The following AGTPBP1 variants were observed in gnomAD, a reference collection of about 807,000 sequenced individuals.
AGTPBP1 encodes ATP/GTP binding carboxypeptidase 1.
Under a neutral mutation model 143.9 loss-of-function variants are expected in AGTPBP1, and 70 were observed. That is an observed-to-expected ratio of 0.49 (90% CI 0.40 to 0.59). AGTPBP1 has a LOEUF of 0.59. Ranked by LOEUF, AGTPBP1 falls within the 20% of genes least tolerant of loss-of-function variation. The pLI is 0.00. For missense variants in AGTPBP1, 1,229 were observed against 1,464.5 expected (o/e 0.84, Z 2.62); for synonymous variants, 463 against 500.2 (o/e 0.93, Z 0.99).
chr9:85,570,049 T>C (rs1187495848), intron 25 of AGTPBP1, among the ~76,000 whole-genome samples: 1 of 152,092 alleles, frequency 6.6e-6, no homozygotes, highest in Non-Finnish European at 1.5e-5. Context: ...CCTCTGTTCA[T>C]GCCTGAAACT....
At chr9:85,798,588 G>A in the AGTPBP1 span, among the ~76,000 whole-genome samples, 5,904 of 151,858 alleles carry the variant, frequency 0.039, 270 homozygotes, top group East Asian at 0.21. Flanking sequence ...GGCTGGTCTC[G>A]AACTCCTGAC....
intron 9 of AGTPBP1, among the ~76,000 whole-genome samples, chr9:85,660,302 C>T (rs909374036): frequency 6.6e-6 from 1 of 152,024 alleles, no homozygotes; most frequent in Non-Finnish European, 1.5e-5. Flanking sequence ...CAACAGACCC[C>T]TGAAGCCCCC....
the AGTPBP1 span, among the ~76,000 whole-genome samples, chr9:85,779,088 T>C: frequency 6.6e-6 from 1 of 151,902 alleles, no homozygotes; most frequent in Non-Finnish European, 1.5e-5. Context: ...AAGAACTCCA[T>C]CCTTAATATT....
Position 85,633,168 on chromosome 9 carries a change from T to C in AGTPBP1, c.1509A>G (p.Lys503=). 1.9e-6 allele frequency: 3 copies of C among 1,613,508 alleles called. No individual in the cohort carries two copies. Among genetic ancestry groups the C allele is most frequent in the Non-Finnish European group, 2.5e-6 (3 of 1,179,842 alleles). The change falls in exon 14 of 26, where the codon AAA becomes AAG. Residue 503 remains lysine, a synonymous_variant. Transcript: ENST00000357081. ...GCTGTTGTAATGTTCTATCATTATC[T>C]TTAATATCTTCTTTTGCTAGATCCA... ...TFMDLAKEDI[K]DNDRTLQQQP...
intron 1 of AGTPBP1, among the ~76,000 whole-genome samples, chr9:85,728,023 A>ATT (rs1382552838): frequency 3.9e-5 from 5 of 128,286 alleles, no homozygotes; most frequent in African/African-American, 1.7e-4. Context: ...CAAAATATAT[A>ATT]TTTATATACA....
At chr9:85,659,204 A>T (rs150627718) in intron 9 of AGTPBP1, among the ~76,000 whole-genome samples, 1,571 of 152,300 alleles carry the variant, frequency 0.01, 14 homozygotes, top group Middle Eastern at 0.027. Flanking sequence ...CACAATTAAA[A>T]CATTAGTAAA....
At chr9:85,646,828 G>A (rs1398868695) in intron 11 of AGTPBP1, among the ~76,000 whole-genome samples, 1 of 152,066 alleles carries the variant, frequency 6.6e-6, no homozygotes, top group Non-Finnish European at 1.5e-5. Flanking sequence ...CAAAAGATGT[G>A]TAAATCGGGT....
At chr9:85,621,158 G>A in intron 15 of AGTPBP1, 44 bp downstream of exon 15, 1 of 1,154,926 alleles carries the variant, frequency 8.7e-7, no homozygotes, top group East Asian at 2.9e-5. Context: ...AAATTTTATA[G>A]AAAAACTTAA....
At chr9:85,767,594 C>G in the AGTPBP1 span, among the ~76,000 whole-genome samples, 2 of 152,118 alleles carry the variant, frequency 1.3e-5, no homozygotes, top group Non-Finnish European at 2.9e-5. Flanking sequence ...GATCCACCCA[C>G]CTCGGCCTCC....
intron 25 of AGTPBP1, among the ~76,000 whole-genome samples, chr9:85,571,741 G>T (rs1339503184): frequency 1.3e-5 from 2 of 152,140 alleles, no homozygotes; most frequent in South Asian, 2.1e-4. Flanking sequence ...TGATAGTCTT[G>T]CCAAAGATGC....
chr9:85,722,511 T>C (rs1838196856), intron 1 of AGTPBP1, among the ~76,000 whole-genome samples: 1 of 152,234 alleles, frequency 6.6e-6, no homozygotes, highest in South Asian at 2.1e-4. Context: ...GCTGTGGTTT[T>C]CAGCTCCATG....
At position 85,677,503 on chromosome 9, in the gene AGTPBP1, T is replaced by C. The variant is rs758815358; in HGVS notation, c.369A>G (p.Lys123=). The C allele has an allele frequency of 1.4e-5, 22 of 1,605,010 alleles. No homozygotes were observed. The highest frequency in any genetic ancestry group is 1.9e-5 in the Non-Finnish European group (22 of 1,175,636). The part of the protein sequence containing the change: ...ILLQLLMNAS[K]ESPPHEDLMV... ...TTAAGTCCTCATGTGGGGGAGATTC[T>C]TTGCTGGCATTCATAAGTAACTGCA... The change falls in exon 6 of 26, where the codon AAA becomes AAG. Residue 123 remains lysine, a synonymous_variant. Coordinates refer to ENST00000357081, the MANE Select transcript of AGTPBP1 (RefSeq NM_001330701.2).
At chr9:85,649,471 T>C (rs1037311058) in intron 11 of AGTPBP1, among the ~76,000 whole-genome samples, 6 of 152,186 alleles carry the variant, frequency 3.9e-5, no homozygotes, top group Non-Finnish European at 7.4e-5. Context: ...GCCACTTTTT[T>C]ACAATTGATT....
At chr9:85,718,831 G>C (rs1333132864) in intron 1 of AGTPBP1, among the ~76,000 whole-genome samples, 2 of 152,162 alleles carry the variant, frequency 1.3e-5, no homozygotes, top group Admixed American at 6.5e-5. Context: ...AAACCATCGT[G>C]AGTTAATTTT....
chr9:85,618,944 C>G, intron 17 of AGTPBP1, 39 bp downstream of exon 17: 1 of 1,558,736 alleles, frequency 6.4e-7, no homozygotes, highest in Non-Finnish European at 8.6e-7. Flanking sequence ...AGTTAAGATG[C>G]CTGCATGCCA....
chr9:85,548,200 T>A (rs1380068756), intron 25 of AGTPBP1, among the ~76,000 whole-genome samples: 1 of 152,110 alleles, frequency 6.6e-6, no homozygotes, highest in Non-Finnish European at 1.5e-5. Flanking sequence ...AGGAACAATA[T>A]CTGTTAAAAT....
intron 17 of AGTPBP1, among the ~76,000 whole-genome samples, chr9:85,609,853 C>T (rs1830210296): frequency 7.9e-6 from 1 of 126,752 alleles, no homozygotes; most frequent in Non-Finnish European, 1.5e-5. Flanking sequence ...CCAGTCTATA[C>T]TGATAATACA....
chr9:85,594,989 A>AT (rs1218327730), intron 18 of AGTPBP1, among the ~76,000 whole-genome samples: 1 of 152,240 alleles, frequency 6.6e-6, no homozygotes, highest in Non-Finnish European at 1.5e-5. Flanking sequence ...CTTTATGAGA[A>AT]AGAGACAAGT....
At chr9:85,606,668 T>C (rs1308568673) in intron 17 of AGTPBP1, among the ~76,000 whole-genome samples, 1 of 151,960 alleles carries the variant, frequency 6.6e-6, no homozygotes, top group Non-Finnish European at 1.5e-5. Context: ...CATCCATCAA[T>C]GGATGAATGA....
Sources: allele counts gnomAD v4.1 joint callset (sites outside exome capture counted in the v4.1 genomes callset), GRCh38; gene constraint gnomAD v4.1.1; transcripts MANE v1.5; gene names NCBI Gene and HGNC (gene_info 2026-07-23, HGNC 2026-07-21).